VPS26C: variants seen among roughly 807,000 people sequenced by gnomAD.
VPS26C encodes VPS26 endosomal protein sorting factor C, also known as vacuolar protein sorting-associated protein 26C.
In VPS26C, 19 loss-of-function variants were observed where a neutral mutation model predicts 30.6. The ratio of observed to expected loss-of-function variants is 0.62; its 90% CI spans 0.43 to 0.91. The LOEUF (loss-of-function observed/expected upper bound fraction) is 0.91. Ranked by LOEUF, VPS26C falls within the 40% of genes least tolerant of loss-of-function variation. VPS26C has a pLI of 0.00. For missense variants in VPS26C, 318 were observed against 385.1 expected (o/e 0.83, Z 1.46); for synonymous variants, 132 against 151.5 (o/e 0.87, Z 0.95).
In VPS26C at chr21:37,257,993, C is replaced by T. The variant is rs114705390; in HGVS notation, c.57+9245G>A. ...GCGCTGCACATGGTACCCGCGGCCC[C>T]AGCTGGCCAGTGTGTGGCGGAGATG... is the stretch of plus-strand genomic sequence containing the variant. On this transcript the variant is annotated intron_variant, in intron 1 of 7. Transcript: ENST00000309117. This position sits in a 1 kb window ranked among gnomAD's most constrained non-coding sequence, Gnocchi z 4.2. 2.1e-3 allele frequency among the ~76,000 whole-genome samples: 327 copies of T among 152,340 alleles called. 2 individuals are homozygous for T. The highest frequency in any genetic ancestry group is 7.3e-3 in the African/African-American group (304 of 41,566).
chr21:37,228,148 C>T, intron 6 of VPS26C, 75 bp downstream of exon 6: 7 of 1,556,992 alleles, frequency 4.5e-6, no homozygotes, highest in Admixed American at 3.5e-5. Context: ...CCCCCAGCAT[C>T]CTCTTAACCA....
intron 3 of VPS26C, 56 bp downstream of exon 3, chr21:37,238,404 C>G: frequency 6.3e-7 from 1 of 1,583,344 alleles, no homozygotes. Context: ...AAAGACCACA[C>G]CGTTTGTCAG....
chr21:37,235,859 A>G (rs867098030), intron 3 of VPS26C, among the ~76,000 whole-genome samples: 5,655 of 87,524 alleles, frequency 0.065, 168 homozygotes, highest in East Asian at 0.13. Flanking sequence ...GTGTATATAT[A>G]TATATATATA....
At chr21:37,244,631 G>A (rs1383227993) in intron 1 of VPS26C, among the ~76,000 whole-genome samples, 1 of 152,168 alleles carries the variant, frequency 6.6e-6, no homozygotes, top group East Asian at 1.9e-4. Flanking sequence ...TGGAACTCTG[G>A]ATTTGAAAAT....
intron 1 of VPS26C, among the ~76,000 whole-genome samples, chr21:37,245,551 C>G (rs915695250): frequency 1.3e-5 from 2 of 152,204 alleles, no homozygotes; most frequent in Non-Finnish European, 2.9e-5. Flanking sequence ...CCCTCCCTGA[C>G]TGACTGCGCT....
chr21:37,263,071 T>G (rs1050060160), intron 1 of VPS26C, among the ~76,000 whole-genome samples: 1 of 152,154 alleles, frequency 6.6e-6, no homozygotes, highest in South Asian at 2.1e-4. Context: ...AGCTGGGATA[T>G]TACATTTTAA....
intron 1 of VPS26C, among the ~76,000 whole-genome samples, chr21:37,262,813 G>C (rs1311050951): frequency 6.6e-6 from 1 of 151,340 alleles, no homozygotes; most frequent in African/African-American, 2.4e-5. Flanking sequence ...TGTTGCCCAG[G>C]CTGGAGTGCA....
At chr21:37,227,914 C>T in intron 6 of VPS26C, 108 bp from the exon 7 acceptor site, 1 of 1,425,166 alleles carries the variant, frequency 7.0e-7, no homozygotes, top group Non-Finnish European at 9.5e-7. Context: ...CCAGGGTCCC[C>T]TCCCCTCACT....
At chr21:37,253,745 A>G (rs1468629873) in intron 1 of VPS26C, among the ~76,000 whole-genome samples, 1 of 152,168 alleles carries the variant, frequency 6.6e-6, no homozygotes, top group Non-Finnish European at 1.5e-5. Flanking sequence ...CTAGTCTGAA[A>G]ATCTGAAATC....
At chr21:37,258,842 G>A (rs1171027489) in intron 1 of VPS26C, among the ~76,000 whole-genome samples, 2 of 152,190 alleles carry the variant, frequency 1.3e-5, no homozygotes, top group Non-Finnish European at 2.9e-5. Flanking sequence ...GGCGCAGGCT[G>A]GTACAAGATT....
intron 1 of VPS26C, among the ~76,000 whole-genome samples, chr21:37,265,359 G>C (rs1180175849): frequency 6.6e-6 from 1 of 152,170 alleles, no homozygotes; most frequent in Non-Finnish European, 1.5e-5. Context: ...TTCAGCAATT[G>C]TTAGTATTTT....
chr21:37,258,951 T>C (rs888819289), intron 1 of VPS26C, among the ~76,000 whole-genome samples: 7 of 152,224 alleles, frequency 4.6e-5, no homozygotes, highest in Non-Finnish European at 1.0e-4. Flanking sequence ...TTCTTATGCA[T>C]TATATAAGAG....
At chr21:37,256,102 C>T (rs770813417) in intron 1 of VPS26C, among the ~76,000 whole-genome samples, 3 of 152,150 alleles carry the variant, frequency 2.0e-5, no homozygotes, top group Non-Finnish European at 2.9e-5. Flanking sequence ...TCCCAAAGTG[C>T]TGGGATTACA....
intron 2 of VPS26C, among the ~76,000 whole-genome samples, chr21:37,240,072 A>G (rs1222618092): frequency 6.6e-6 from 1 of 152,210 alleles, no homozygotes; most frequent in Non-Finnish European, 1.5e-5. Flanking sequence ...ATCCCTTGCA[A>G]AATAACAACA....
rs1464322904 is a variant in VPS26C, at chr21:37,226,220, T to C, written c.812-594A>G. 1 of 153,818 alleles carries C rather than the reference T, an allele frequency of 6.5e-6. No homozygotes were observed. Among genetic ancestry groups the C allele is most frequent in the Admixed American group, 6.4e-5 (1 of 15,616 alleles). 9.5% of individuals were successfully genotyped at this position (153,818 alleles called of 1,614,324 possible). On this transcript the variant is annotated intron_variant, in intron 7 of 7. Transcript: ENST00000309117. This position sits in a 1 kb window ranked among gnomAD's most constrained non-coding sequence, Gnocchi z 4.1. Reference sequence around the variant, plus strand: ...GGGATGTGTGTGAAGAGGAAGCACCTGACGACAAACAAGCACCATCTCCTT... The same window carrying C: ...GGGATGTGTGTGAAGAGGAAGCACCCGACGACAAACAAGCACCATCTCCTT...
chr21:37,261,912 G>A (rs1391930550), intron 1 of VPS26C: 4 of 150,904 alleles, frequency 2.7e-5, no homozygotes, highest in South Asian at 2.1e-4. Context: ...GGGTTACAAG[G>A]GTTTGCCTTA....
chr21:37,259,529 A>G (rs2086282489), intron 1 of VPS26C, among the ~76,000 whole-genome samples: 1 of 152,206 alleles, frequency 6.6e-6, no homozygotes, highest in South Asian at 2.1e-4. Context: ...AATGAATTAT[A>G]TTTACACTAC....
At position 37,257,276 on chromosome 21, in the gene VPS26C, C is replaced by T. The variant is rs1453158233; in HGVS notation, c.57+9962G>A. ...AAAAAGGATCAGGATCTGAGGTCAA[C>T]TGACCTCTCCCTGCGCTCTGGACAG... On this transcript the variant is annotated intron_variant, in intron 1 of 7. Coordinates refer to ENST00000309117, the MANE Select transcript of VPS26C (RefSeq NM_006052.2). This position sits in a 1 kb window ranked among gnomAD's most constrained non-coding sequence, Gnocchi z 4.2. 6.6e-6 allele frequency among the ~76,000 whole-genome samples: 1 copy of T among 152,244 alleles called. No homozygotes were observed. The highest frequency in any genetic ancestry group is 2.4e-5 in the African/African-American group (1 of 41,458).
chr21:37,257,025 G>A lies in VPS26C; in HGVS notation c.57+10213C>T, dbSNP rs979458589. Among the ~76,000 whole-genome samples, 1 of 151,976 alleles carries A rather than the reference G, an allele frequency of 6.6e-6. No individual in the cohort carries two copies. Among genetic ancestry groups the A allele is most frequent in the Admixed American group, 6.6e-5 (1 of 15,262 alleles). ...CACGCACCTGTAATCCCAGCTACTC[G>A]GGAGGCTGAGGCAGGAGAATCGCTT... On this transcript the variant is annotated intron_variant, in intron 1 of 7. Transcript: ENST00000309117. This position sits in a 1 kb window ranked among gnomAD's most constrained non-coding sequence, Gnocchi z 4.2.
Sources: gnomAD v4.1 joint callset for allele counts (sites outside exome capture counted in the v4.1 genomes callset) on GRCh38, gnomAD v4.1.1 for gene constraint, Gnocchi (gnomAD v3.1) non-coding constraint, MANE v1.5 for transcripts, NCBI Gene and HGNC (gene_info 2026-07-23, HGNC 2026-07-21) for gene names.